Variants in PCDH9 observed in about 807,000 individuals in gnomAD.
PCDH9 encodes protocadherin-9.
Under a neutral mutation model 70.6 loss-of-function variants are expected in PCDH9, and 24 were observed. The observed-to-expected ratio is 0.34, with a 90% confidence interval of 0.25 to 0.48. The LOEUF (loss-of-function observed/expected upper bound fraction) is 0.48. Among genes scored for constraint, PCDH9 ranks in the 20% least tolerant of loss-of-function variants. The probability of loss-of-function intolerance (pLI) is 0.99; values close to 1 mark genes in which losing one functional copy is unlikely to be tolerated. For synonymous variants in PCDH9, 562 were observed against 558.5 expected (o/e 1.01, Z -0.09); for missense variants, 1,281 against 1,503.6 (o/e 0.85, Z 2.45).
intron 3 of PCDH9, among the ~76,000 whole-genome samples, chr13:66,730,874 G>GTTTT (rs1566154009): frequency 1.8e-4 from 4 of 22,714 alleles, no homozygotes; most frequent in African/African-American, 5.2e-4. Flanking sequence ...TTGTGTGTGT[G>GTTTT]TGTTTTTTTT....
At chr13:66,711,939 T>C (rs2078800422) in intron 3 of PCDH9, among the ~76,000 whole-genome samples, 1 of 152,202 alleles carries the variant, frequency 6.6e-6, no homozygotes, top group South Asian at 2.1e-4. Context: ...GTCTCTGCTT[T>C]CCAGTTCCCA....
intron 3 of PCDH9, among the ~76,000 whole-genome samples, chr13:66,902,745 C>T (rs1348347090): frequency 6.6e-6 from 1 of 151,436 alleles, no homozygotes; most frequent in Non-Finnish European, 1.5e-5. Flanking sequence ...AAATAGTTAA[C>T]ACGACTGAAC....
At chr13:66,848,032 T>C (rs2081243579) in intron 3 of PCDH9, among the ~76,000 whole-genome samples, 1 of 152,206 alleles carries the variant, frequency 6.6e-6, no homozygotes, top group African/African-American at 2.4e-5. Context: ...GTTTGATTCT[T>C]CCACTATCTC....
chr13:67,217,783 G>C (rs901493486), intron 2 of PCDH9: 1 of 152,026 alleles, frequency 6.6e-6, no homozygotes, highest in Non-Finnish European at 1.5e-5. Flanking sequence ...GTTCAGAAGA[G>C]AGTCTGCATA....
chr13:67,161,729 T>C (rs1333434147), intron 2 of PCDH9, among the ~76,000 whole-genome samples: 1 of 152,198 alleles, frequency 6.6e-6, no homozygotes, highest in Non-Finnish European at 1.5e-5. Context: ...GCAGGGTTAA[T>C]GTGAGCAGGG....
intron 3 of PCDH9, among the ~76,000 whole-genome samples, chr13:66,776,365 T>A (rs1242902426): frequency 6.6e-6 from 1 of 150,608 alleles, no homozygotes; most frequent in Admixed American, 6.7e-5. Context: ...GACATGATTG[T>A]TTATCTAGAA....
At chr13:66,721,523 G>A (rs1436703097) in intron 3 of PCDH9, among the ~76,000 whole-genome samples, 2 of 152,074 alleles carry the variant, frequency 1.3e-5, no homozygotes, top group African/African-American at 2.4e-5. Flanking sequence ...ATTTATGTCT[G>A]AGCGTGGATA....
chr13:66,905,159 G>A (rs185641661), intron 2 of PCDH9, among the ~76,000 whole-genome samples: 1 of 151,492 alleles, frequency 6.6e-6, no homozygotes, highest in African/African-American at 2.4e-5. Flanking sequence ...AGCAACAAAG[G>A]CTTCACAGCA....
At chr13:66,371,935 C>T (rs1449483945) in intron 4 of PCDH9, among the ~76,000 whole-genome samples, 1 of 152,062 alleles carries the variant, frequency 6.6e-6, no homozygotes, top group East Asian at 1.9e-4. Flanking sequence ...TCAGGCTCAA[C>T]TACAAGCCCT....
At chr13:66,406,885 T>G (rs1188640529) in intron 4 of PCDH9, among the ~76,000 whole-genome samples, 2 of 152,228 alleles carry the variant, frequency 1.3e-5, no homozygotes, top group Admixed American at 1.3e-4. Flanking sequence ...ATCATCAATT[T>G]TTTTGTTTCA....
chr13:66,647,006 T>C (rs377268618), intron 3 of PCDH9, among the ~76,000 whole-genome samples: 2 of 152,260 alleles, frequency 1.3e-5, no homozygotes, highest in Admixed American at 1.3e-4. Context: ...AGAGAACATT[T>C]AGACCAGCCC....
At chr13:66,490,085 C>T (rs1299363415) in intron 4 of PCDH9, among the ~76,000 whole-genome samples, 1 of 152,178 alleles carries the variant, frequency 6.6e-6, no homozygotes. Context: ...CACCCATTAA[C>T]TCATCACTTA....
chr13:66,522,260 A>G (rs1960028867), intron 4 of PCDH9, among the ~76,000 whole-genome samples: 1 of 151,990 alleles, frequency 6.6e-6, no homozygotes, highest in Admixed American at 6.6e-5. Context: ...TCTTAAAATA[A>G]TACATGACTG....
At chr13:66,452,934 C>A (rs1019072794) in intron 4 of PCDH9, among the ~76,000 whole-genome samples, 3 of 152,100 alleles carry the variant, frequency 2.0e-5, no homozygotes, top group African/African-American at 7.2e-5. Flanking sequence ...GCTCATCCAT[C>A]TATCCATCCA....
chr13:67,100,652 C>A (rs542455175), intron 2 of PCDH9, among the ~76,000 whole-genome samples: 1 of 152,166 alleles, frequency 6.6e-6, no homozygotes, highest in Non-Finnish European at 1.5e-5. Flanking sequence ...CCAAAAAGAT[C>A]GTGCATTGCT....
intron 3 of PCDH9, among the ~76,000 whole-genome samples, chr13:66,739,596 C>A (rs1357053547): frequency 3.4e-5 from 5 of 148,654 alleles, no homozygotes; most frequent in African/African-American, 4.9e-5. Context: ...TCAGGAATCC[C>A]ATCTCACGTG....
At chr13:67,088,881 A>C (rs1057482572) in intron 2 of PCDH9, among the ~76,000 whole-genome samples, 1 of 152,082 alleles carries the variant, frequency 6.6e-6, no homozygotes, top group African/African-American at 2.4e-5. Context: ...TGACACTTGA[A>C]TTAATACAAC....
intron 4 of PCDH9, among the ~76,000 whole-genome samples, chr13:66,560,845 C>T (rs1006158659): frequency 2.0e-5 from 3 of 152,214 alleles, no homozygotes; most frequent in African/African-American, 4.8e-5. Flanking sequence ...TCCAGAAGTC[C>T]GGAATTCTAC....
At chr13:66,771,328 C>T (rs1340047027) in intron 3 of PCDH9, among the ~76,000 whole-genome samples, 1 of 151,996 alleles carries the variant, frequency 6.6e-6, no homozygotes, top group African/African-American at 2.4e-5. Context: ...TTTTCCTTTC[C>T]TCCATTCCTC....
Sources: allele counts gnomAD v4.1 joint callset (sites outside exome capture counted in the v4.1 genomes callset), GRCh38; gene constraint gnomAD v4.1.1; transcripts MANE v1.5; gene names NCBI Gene and HGNC (gene_info 2026-07-23, HGNC 2026-07-21).